Variants in YWHAQ observed in about 807,000 individuals in gnomAD.
YWHAQ encodes tyrosine 3-monooxygenase/tryptophan 5-monooxygenase activation protein theta.
A neutral mutation model predicts 28.3 loss-of-function variants in YWHAQ; 6 were observed. That is an observed-to-expected ratio of 0.21 (90% CI 0.12 to 0.42). The LOEUF is 0.42. Among genes scored for constraint, YWHAQ ranks in the 10% least tolerant of loss-of-function variants. The pLI, the probability that YWHAQ is intolerant of heterozygous loss-of-function variation, is 1.00. For missense variants in YWHAQ, 201 were observed against 305.6 expected, an observed-to-expected ratio of 0.66 and a Z score of 2.55; for synonymous variants, 143 against 119.1, an observed-to-expected ratio of 1.20 and a Z score of -1.31.
chr2:9,602,865 ATATATAT>A (rs1666741539), intron 2 of YWHAQ, among the ~76,000 whole-genome samples: 3 of 10,462 alleles, frequency 2.9e-4, no homozygotes, highest in Non-Finnish European at 5.9e-4. Context: ...AAAAAAAAAT[ATATATAT>A]ATATATATAT....
Position 9,615,903 on chromosome 2 carries a change from A to G in YWHAQ, c.294+14256T>C, listed in dbSNP as rs556274533. On this transcript the variant is annotated intron_variant, in intron 2 of 5. Transcript: ENST00000238081. ...ATTAACATGCCTCAATTTCCTTACA[A>G]TTTCCTTACTCATGTCTTATCTACC... 9.9e-5 allele frequency among the ~76,000 whole-genome samples: 15 copies of G among 152,246 alleles called. No individual in the cohort carries two copies. The South Asian group carries it at 3.1e-3, about 32-fold the overall frequency.
chr2:9,618,372 T>C (rs1393917113), intron 2 of YWHAQ, among the ~76,000 whole-genome samples: 1 of 152,200 alleles, frequency 6.6e-6, no homozygotes, highest in Non-Finnish European at 1.5e-5. Context: ...AATTATTTTG[T>C]AAACATTTCT....
At chr2:9,593,460 C>T (rs1394985481) in intron 2 of YWHAQ, among the ~76,000 whole-genome samples, 1 of 151,988 alleles carries the variant, frequency 6.6e-6, no homozygotes, top group Non-Finnish European at 1.5e-5. Flanking sequence ...CTGCCCACCT[C>T]GGCCTCCCAA....
intron 4 of YWHAQ, 45 bp from the exon 5 acceptor site, chr2:9,587,554 A>T: frequency 6.6e-7 from 1 of 1,520,094 alleles, no homozygotes. Context: ...CATTGACGAA[A>T]ACTGGTTATT....
chr2:9,608,171 C>T (rs113112097), intron 2 of YWHAQ, among the ~76,000 whole-genome samples: 120 of 152,164 alleles, frequency 7.9e-4, no homozygotes, highest in African/African-American at 2.6e-3. Flanking sequence ...ACTGAGCTTA[C>T]GGAGAATACC....
intron 2 of YWHAQ, among the ~76,000 whole-genome samples, chr2:9,619,550 C>CAA (rs536843621): frequency 0.023 from 3,205 of 140,488 alleles, 74 homozygotes; most frequent in African/African-American, 0.073. Flanking sequence ...CTTGTCTCAC[C>CAA]AAAAAAAAAC....
At chr2:9,592,120 A>C (rs1666468427) in intron 2 of YWHAQ, among the ~76,000 whole-genome samples, 1 of 152,222 alleles carries the variant, frequency 6.6e-6, no homozygotes, top group African/African-American at 2.4e-5. Context: ...AACATCAAGT[A>C]CGAGGGAGAA....
chr2:9,612,848 C>T (rs1666976374), intron 2 of YWHAQ, among the ~76,000 whole-genome samples: 1 of 152,212 alleles, frequency 6.6e-6, no homozygotes, highest in African/African-American at 2.4e-5. Context: ...ATTAGAGTGA[C>T]TGGTCATGAA....
intron 2 of YWHAQ, among the ~76,000 whole-genome samples, chr2:9,626,482 T>G (rs947977546): frequency 6.6e-6 from 1 of 152,228 alleles, no homozygotes; most frequent in East Asian, 1.9e-4. Flanking sequence ...CAGGCTGGAG[T>G]GCAGTGGCAC....
Position 9,591,478 on chromosome 2 carries a change from T to A in YWHAQ, c.332A>T (p.Asn111Ile). ...CAGATAGAAGACCTTACTCTCTGGATTAGTTGCATTGGCTATTAAATATTT... is the reference window on the plus strand; with the variant it reads ...CAGATAGAAGACCTTACTCTCTGGAATAGTTGCATTGGCTATTAAATATTT... ...LDKYLIANAT[N>I]PESKVFYLKM... is the part of the protein sequence containing the mutation. The change falls in exon 3 of 6, where the codon AAT becomes ATT. Residue 111 changes from asparagine (N) to isoleucine (I), a missense_variant. By Grantham distance (149) the Asn-to-Ile change is moderately radical. This residue lies in a region of YWHAQ where 162 missense variants were observed against 213.9 expected (regional missense o/e 0.76). Coordinates refer to ENST00000238081, the MANE Select transcript of YWHAQ (RefSeq NM_006826.4). 6.2e-7 allele frequency: 1 copy of A among 1,610,900 alleles called. No individual in the cohort carries two copies. The highest frequency in any genetic ancestry group is 2.2e-5 in the East Asian group (1 of 44,852).
At chr2:9,594,587 G>A (rs996276610) in intron 2 of YWHAQ, among the ~76,000 whole-genome samples, 10 of 152,136 alleles carry the variant, frequency 6.6e-5, no homozygotes. Flanking sequence ...GAACTCTAAT[G>A]TAAAGTAAGA....
intron 2 of YWHAQ, among the ~76,000 whole-genome samples, chr2:9,618,796 G>A (rs1667086532): frequency 6.6e-6 from 1 of 151,654 alleles, no homozygotes; most frequent in South Asian, 2.1e-4. Flanking sequence ...TTATAGGTGT[G>A]AGCCACCCTG....
chr2:9,607,906 T>G (rs1238138198), intron 2 of YWHAQ, among the ~76,000 whole-genome samples: 1 of 151,814 alleles, frequency 6.6e-6, no homozygotes, highest in Non-Finnish European at 1.5e-5. Context: ...GAGACGGGGT[T>G]TTCGCCATGT....
intron 2 of YWHAQ, among the ~76,000 whole-genome samples, chr2:9,593,997 A>ACG (rs754481365): frequency 6.0e-5 from 9 of 150,488 alleles, no homozygotes; most frequent in African/African-American, 1.5e-4. Context: ...ACACACACAC[A>ACG]CACGCACGCA....
chr2:9,616,029 T>C (rs1260542320), intron 2 of YWHAQ, among the ~76,000 whole-genome samples: 1 of 152,112 alleles, frequency 6.6e-6, no homozygotes, highest in South Asian at 2.1e-4. Flanking sequence ...TTGCATTTCG[T>C]AGGATGGGTG....
At chr2:9,600,476 C>T (rs1369890708) in intron 2 of YWHAQ, among the ~76,000 whole-genome samples, 1 of 152,052 alleles carries the variant, frequency 6.6e-6, no homozygotes, top group Non-Finnish European at 1.5e-5. Flanking sequence ...GAGGCCCAAG[C>T]GGGCAGATCA....
chr2:9,619,063 G>A (rs1414851282), intron 2 of YWHAQ, among the ~76,000 whole-genome samples: 2 of 152,096 alleles, frequency 1.3e-5, no homozygotes, highest in Non-Finnish European at 2.9e-5. Flanking sequence ...GTCCTTTAAA[G>A]ACTCAACAGA....
chr2:9,607,711 C>CTTTTTT (rs34963513), intron 2 of YWHAQ, among the ~76,000 whole-genome samples: 3 of 128,670 alleles, frequency 2.3e-5, no homozygotes, highest in African/African-American at 6.0e-5. Context: ...AATTCTTCCT[C>CTTTTTT]TTTTTTTTTT....
intron 2 of YWHAQ, among the ~76,000 whole-genome samples, chr2:9,595,084 T>C (rs987888091): frequency 2.0e-5 from 3 of 152,224 alleles, no homozygotes; most frequent in Non-Finnish European, 4.4e-5. Context: ...ACTTCCATCC[T>C]GGAGTTTCAG....
Sources: allele counts gnomAD v4.1 joint callset (sites outside exome capture counted in the v4.1 genomes callset), GRCh38; gene constraint gnomAD v4.1.1; regional missense constraint gnomAD v4.1.1; transcripts MANE v1.5; gene names NCBI Gene and HGNC (gene_info 2026-07-23, HGNC 2026-07-21).